ARFGEF1: variants seen among roughly 807,000 people sequenced by gnomAD.
ARFGEF1 encodes ARF guanine nucleotide exchange factor 1, also known as brefeldin A-inhibited guanine nucleotide-exchange protein 1.
Under a neutral mutation model 231.0 loss-of-function variants are expected in ARFGEF1, and 42 were observed. The observed-to-expected ratio is 0.18, with a 90% CI of 0.14 to 0.24. The LOEUF is 0.24. Among genes scored for constraint, ARFGEF1 ranks in the 10% least tolerant of loss-of-function variants. The pLI is 1.00. For missense variants in ARFGEF1, 1,345 were observed against 2,192.0 expected (o/e 0.61, Z 7.72); for synonymous variants, 710 against 732.3 (o/e 0.97, Z 0.49).
At chr8:67,223,711 G>A (rs188804608) in intron 29 of ARFGEF1, among the ~76,000 whole-genome samples, 127 of 152,230 alleles carry the variant, frequency 8.3e-4, no homozygotes, top group Middle Eastern at 6.8e-3. Flanking sequence ...TAAGAAAGCA[G>A]GTGGATCCTC....
chr8:67,257,837 T>A, intron 16 of ARFGEF1, 21 bp from the exon 17 acceptor site: 1 of 1,565,204 alleles, frequency 6.4e-7, no homozygotes, highest in African/African-American at 1.4e-5. Flanking sequence ...AAATGTATCA[T>A]GTTATAAACT....
chr8:67,243,010 A>G (rs1839978238), intron 19 of ARFGEF1, among the ~76,000 whole-genome samples: 1 of 152,190 alleles, frequency 6.6e-6, no homozygotes, highest in African/African-American at 2.4e-5. Flanking sequence ...AGAATTGAAC[A>G]CCAGGTAGAT....
At chr8:67,295,758 C>G (rs1308880087) in intron 5 of ARFGEF1, among the ~76,000 whole-genome samples, 1 of 151,978 alleles carries the variant, frequency 6.6e-6, no homozygotes, top group East Asian at 1.9e-4. Flanking sequence ...CAGTATTGTA[C>G]CAGTGTTAAT....
At chr8:67,273,236 C>A (rs1805170620) in intron 9 of ARFGEF1, among the ~76,000 whole-genome samples, 1 of 151,776 alleles carries the variant, frequency 6.6e-6, no homozygotes, top group Non-Finnish European at 1.5e-5. Flanking sequence ...TTTTCCCAAT[C>A]AATATACTAT....
In ARFGEF1 at chr8:67,343,302, A is replaced by C. The variant is rs200462173; in HGVS notation, c.-15T>G. ...CCCTCATACATGGACGCAGAGAAGG[A>C]GGCGGCGGCTCGTCCGACCCGCGGC... On this transcript the variant is annotated 5_prime_UTR_variant, in exon 1 of 39. Coordinates refer to ENST00000262215, the MANE Select transcript of ARFGEF1 (RefSeq NM_006421.5). The C allele has an allele frequency of 9.2e-4, 1,477 of 1,609,776 alleles. No homozygotes were observed. Among genetic ancestry groups the C allele is most frequent in the Non-Finnish European group, 1.2e-3 (1,362 of 1,177,198 alleles).
chr8:67,340,145 T>C (rs1808559763), intron 1 of ARFGEF1, among the ~76,000 whole-genome samples: 2 of 152,188 alleles, frequency 1.3e-5, no homozygotes, highest in Non-Finnish European at 2.9e-5. Flanking sequence ...TACTCAGAAA[T>C]CTACTCACAT....
At chr8:67,271,669 A>C (rs755743469) in intron 10 of ARFGEF1, 33 bp downstream of exon 10, 4 of 1,411,996 alleles carry the variant, frequency 2.8e-6, no homozygotes, top group Non-Finnish European at 4.0e-6. Flanking sequence ...TGAAATATCC[A>C]ATAGTAACAT....
chr8:67,311,128 G>A (rs1281641207), intron 1 of ARFGEF1, among the ~76,000 whole-genome samples: 17 of 138,076 alleles, frequency 1.2e-4, no homozygotes, highest in African/African-American at 4.1e-4. Context: ...TCAGCCCCGC[G>A]ACCGGCCAGC....
At chr8:67,307,129 T>C (rs1057351371) in intron 1 of ARFGEF1, among the ~76,000 whole-genome samples, 12 of 152,238 alleles carry the variant, frequency 7.9e-5, no homozygotes, top group Non-Finnish European at 1.2e-4. Context: ...ATCCAAAGCA[T>C]TGTCTCCTTC....
chr8:67,303,292 T>C (rs1806585658), intron 1 of ARFGEF1, among the ~76,000 whole-genome samples: 1 of 152,238 alleles, frequency 6.6e-6, no homozygotes, highest in Non-Finnish European at 1.5e-5. Flanking sequence ...CTCATTTTTC[T>C]ATTTATGACT....
At chr8:67,205,992 C>T (rs1014955670) in intron 34 of ARFGEF1, among the ~76,000 whole-genome samples, 12 of 152,182 alleles carry the variant, frequency 7.9e-5, no homozygotes, top group East Asian at 5.8e-4. Context: ...GCCAAGACTC[C>T]GGATTAACCT....
chr8:67,186,418 T>TAA (rs60962928), intron 5 of ARFGEF1, among the ~76,000 whole-genome samples: 1 of 140,468 alleles, frequency 7.1e-6, no homozygotes. Context: ...TGTTTTAAAT[T>TAA]AAAAAAAAAA....
intron 5 of ARFGEF1, among the ~76,000 whole-genome samples, chr8:67,292,433 C>T (rs550692155): frequency 2.6e-5 from 4 of 151,952 alleles, no homozygotes; most frequent in Non-Finnish European, 5.9e-5. Flanking sequence ...TACAGAAAGT[C>T]TATAAAAATA....
intron 35 of ARFGEF1, 54 bp from the exon 36 acceptor site, chr8:67,203,305 G>T: frequency 6.3e-7 from 1 of 1,576,192 alleles, no homozygotes; most frequent in South Asian, 1.2e-5. Flanking sequence ...AATTTTACTT[G>T]ATTTACAACT....
intron 34 of ARFGEF1, among the ~76,000 whole-genome samples, chr8:67,211,235 C>A (rs527559231): frequency 1.4e-5 from 2 of 147,574 alleles, no homozygotes; most frequent in East Asian, 4.0e-4. Context: ...TCCCAGCTAC[C>A]CGGGAGGCTG....
rs1587038191 is a variant in ARFGEF1 at position 67,207,462 on chromosome 8, C to G, written c.4820-2643G>C. ...TTTGAGACCTGGACAGGGATCCTAA[C>G]TACAGTCTCACTAGCAAGGACCAGA... On this transcript the variant is annotated intron_variant, in intron 34 of 38. Transcript: ENST00000262215. Among the ~76,000 whole-genome samples, 3 of 152,314 alleles carry G rather than the reference C, an allele frequency of 2.0e-5. No individual in the cohort carries two copies. The East Asian group carries it at 5.8e-4, about 29-fold the overall frequency.
chr8:67,318,014 G>A (rs1205458971), intron 1 of ARFGEF1, among the ~76,000 whole-genome samples: 1 of 151,806 alleles, frequency 6.6e-6, no homozygotes, highest in Non-Finnish European at 1.5e-5. Context: ...GAGGTGGGTG[G>A]ATCACGAGGT....
intron 17 of ARFGEF1, 60 bp from the exon 18 acceptor site, chr8:67,253,682 T>C: frequency 1.1e-6 from 1 of 931,846 alleles, no homozygotes; most frequent in Non-Finnish European, 1.5e-6. Context: ...ACTTGTATTT[T>C]AAGGATATGA....
At chr8:67,310,465 C>T (rs1019187823) in intron 1 of ARFGEF1, among the ~76,000 whole-genome samples, 5 of 152,232 alleles carry the variant, frequency 3.3e-5, no homozygotes, top group African/African-American at 1.2e-4. Flanking sequence ...ACCTCCCAGC[C>T]GCCTGCCTTG....
Sources: allele counts gnomAD v4.1 joint callset (sites outside exome capture counted in the v4.1 genomes callset), GRCh38; gene constraint gnomAD v4.1.1; transcripts MANE v1.5; gene names NCBI Gene and HGNC (gene_info 2026-07-23, HGNC 2026-07-21).